The following PDE1A variants were observed in gnomAD, a reference collection of about 807,000 sequenced individuals.
PDE1A encodes dual specificity calcium/calmodulin-dependent 3',5'-cyclic nucleotide phosphodiesterase 1A.
Under a neutral mutation model 61.7 loss-of-function variants are expected in PDE1A, and 35 were observed. The observed-to-expected ratio is 0.57, with a 90% CI of 0.43 to 0.75. The LOEUF is 0.75. PDE1A is among the 30% of genes least tolerant of loss of function. The probability of loss-of-function intolerance (pLI) is 0.00; values close to 1 mark genes in which losing one functional copy is unlikely to be tolerated. For synonymous variants in PDE1A, 232 were observed against 213.2 expected, an observed-to-expected ratio of 1.09 and a Z score of -0.77; for missense variants, 597 against 630.6, an observed-to-expected ratio of 0.95 and a Z score of 0.57.
the PDE1A span, among the ~76,000 whole-genome samples, chr2:182,679,350 A>ATTTTTTTTTT: frequency 4.3e-3 from 517 of 119,420 alleles, no homozygotes; most frequent in African/African-American, 5.1e-3. Context: ...TGCTCAGCTA[A>ATTTTTTTTTT]TTTTTTTTTT....
the PDE1A span, among the ~76,000 whole-genome samples, chr2:182,548,396 C>T: frequency 1.3e-3 from 203 of 152,160 alleles, 1 homozygote; most frequent in Non-Finnish European, 2.3e-3. Flanking sequence ...CAAGTCGAAA[C>T]GCACAGGATA....
intron 7 of PDE1A, among the ~76,000 whole-genome samples, chr2:182,212,716 A>C (rs1687744492): frequency 6.6e-6 from 1 of 152,218 alleles, no homozygotes; most frequent in Non-Finnish European, 1.5e-5. Flanking sequence ...GACGGGCTTA[A>C]AAAATGGCGC....
intron 2 of PDE1A, among the ~76,000 whole-genome samples, chr2:182,507,650 A>G (rs957172601): frequency 6.6e-6 from 1 of 152,214 alleles, no homozygotes; most frequent in Non-Finnish European, 1.5e-5. Context: ...AATCATGAAT[A>G]AATTGGGCCA....
the PDE1A span, among the ~76,000 whole-genome samples, chr2:182,561,248 G>A: frequency 4.6e-5 from 7 of 152,194 alleles, no homozygotes; most frequent in African/African-American, 1.4e-4. Flanking sequence ...TGTAAGGAAG[G>A]GATCCAGTTT....
the PDE1A span, among the ~76,000 whole-genome samples, chr2:182,711,417 A>C: frequency 4.6e-5 from 7 of 152,094 alleles, no homozygotes; most frequent in African/African-American, 1.7e-4. Context: ...TTGCAATTGG[A>C]AATATTGGTG....
intron 1 of PDE1A, among the ~76,000 whole-genome samples, chr2:182,345,434 C>T (rs1698461364): frequency 6.6e-6 from 1 of 152,162 alleles, no homozygotes; most frequent in Non-Finnish European, 1.5e-5. Context: ...CTTAGCTTTC[C>T]ATCATCTATT....
intron 13 of PDE1A, among the ~76,000 whole-genome samples, chr2:182,162,883 C>G (rs367831996): frequency 1.7e-4 from 26 of 152,144 alleles, no homozygotes; most frequent in Non-Finnish European, 3.8e-4. Flanking sequence ...GACTTAGCAG[C>G]AGACAGAATC....
chr2:182,363,764 G>A (rs1043158423), intron 1 of PDE1A, among the ~76,000 whole-genome samples: 2 of 152,102 alleles, frequency 1.3e-5, no homozygotes, highest in African/African-American at 4.8e-5. Context: ...GGTTTCATAA[G>A]GAGGGATGAG....
Position 182,426,563 on chromosome 2 carries a change from T to C in PDE1A, c.53+15A>G, listed in dbSNP as rs1703635154. 8 of 1,555,354 alleles carry C rather than the reference T, an allele frequency of 5.1e-6. No homozygotes were observed. The East Asian group carries it at 1.8e-4, about 35-fold the overall frequency. ...CTGACAGCCCTAGAGCCACCTGCGA[T>C]GTAGCATTACTTACCTAAAGATGGG... is the stretch of plus-strand genomic sequence containing the variant. On this transcript the variant is annotated intron_variant, in intron 1 of 13. Transcript: ENST00000351439.
intron 1 of PDE1A, among the ~76,000 whole-genome samples, chr2:182,271,099 T>C (rs1391786404): frequency 6.6e-6 from 1 of 150,828 alleles, no homozygotes; most frequent in African/African-American, 2.4e-5. Flanking sequence ...AATGGCATAA[T>C]GCACAGCATG....
At chr2:182,502,683 TC>T (rs1367223302) in intron 2 of PDE1A, among the ~76,000 whole-genome samples, 1 of 152,058 alleles carries the variant, frequency 6.6e-6, no homozygotes, top group African/African-American at 2.4e-5. Flanking sequence ...AAGTCAACAA[TC>T]CCTTTTCCAC....
the PDE1A span, among the ~76,000 whole-genome samples, chr2:182,616,597 C>G: frequency 5.9e-5 from 9 of 152,226 alleles, no homozygotes; most frequent in African/African-American, 1.7e-4. Context: ...ACATCTTTAT[C>G]TACACCCACT....
intron 2 of PDE1A, among the ~76,000 whole-genome samples, chr2:182,445,513 T>C (rs1452934527): frequency 6.6e-6 from 1 of 152,104 alleles, no homozygotes; most frequent in East Asian, 1.9e-4. Context: ...AATATTGTTT[T>C]AGAGAGCTGA....
At chr2:182,204,483 C>G (rs1686932368) in intron 8 of PDE1A, among the ~76,000 whole-genome samples, 1 of 152,186 alleles carries the variant, frequency 6.6e-6, no homozygotes, top group Non-Finnish European at 1.5e-5. Context: ...CCAATCCCTC[C>G]TCTTCCATTC....
At chr2:182,618,014 A>G in the PDE1A span, among the ~76,000 whole-genome samples, 88 of 152,340 alleles carry the variant, frequency 5.8e-4, no homozygotes, top group African/African-American at 2.1e-3. Context: ...TTTTAGCAGC[A>G]AAGAAACTCC....
chr2:182,534,053 A>G, the PDE1A span, among the ~76,000 whole-genome samples: 2 of 152,116 alleles, frequency 1.3e-5, no homozygotes, highest in Non-Finnish European at 2.9e-5. Flanking sequence ...GCAAAGTAAA[A>G]AAATGAAAGT....
At chr2:182,561,262 C>T in the PDE1A span, among the ~76,000 whole-genome samples, 1 of 152,132 alleles carries the variant, frequency 6.6e-6, no homozygotes, top group African/African-American at 2.4e-5. Flanking sequence ...CCAGTTTCAG[C>T]TTTCCACATA....
intron 2 of PDE1A, among the ~76,000 whole-genome samples, chr2:182,257,878 C>A (rs565559737): frequency 6.6e-6 from 1 of 152,080 alleles, no homozygotes; most frequent in Non-Finnish European, 1.5e-5. Context: ...TTTTTGAAAG[C>A]ATCTATCAGC....
At chr2:182,367,583 T>C (rs1440038104) in intron 1 of PDE1A, among the ~76,000 whole-genome samples, 3 of 152,058 alleles carry the variant, frequency 2.0e-5, no homozygotes, top group African/African-American at 7.2e-5. Context: ...AATTTCTCGA[T>C]AGAAGAATCC....
Sources: allele counts gnomAD v4.1 joint callset (sites outside exome capture counted in the v4.1 genomes callset), GRCh38; gene constraint gnomAD v4.1.1; transcripts MANE v1.5; gene names NCBI Gene and HGNC (gene_info 2026-07-23, HGNC 2026-07-21).